CLNK: variants seen among roughly 807,000 people sequenced by gnomAD.
The protein encoded by CLNK is cytokine dependent hematopoietic cell linker, also known as cytokine-dependent hematopoietic cell linker.
Under a neutral mutation model 68.6 loss-of-function variants are expected in CLNK, and 74 were observed. The ratio of observed to expected loss-of-function variants is 1.08; its 90% CI spans 0.89 to 1.31. The LOEUF (loss-of-function observed/expected upper bound fraction) is 1.31, where lower values mean the gene tolerates loss of function less well. CLNK is among the 50% of genes most tolerant of loss of function. CLNK has a pLI of 0.00. For synonymous variants in CLNK, 198 were observed against 172.2 expected (o/e 1.15, Z -1.17); for missense variants, 553 against 515.3 (o/e 1.07, Z -0.71).
At chr4:10,589,498 G>A (rs532188233) in intron 3 of CLNK, among the ~76,000 whole-genome samples, 11 of 152,236 alleles carry the variant, frequency 7.2e-5, no homozygotes, top group East Asian at 3.9e-4. Flanking sequence ...CTCTCCGTGC[G>A]TCAATGCAAG....
At chr4:10,527,254 G>A (rs535569793) in intron 13 of CLNK, among the ~76,000 whole-genome samples, 63 of 152,324 alleles carry the variant, frequency 4.1e-4, no homozygotes, top group African/African-American at 1.5e-3. Flanking sequence ...TTTCAGTTAG[G>A]TTTTTGAATT....
In CLNK at chr4:10,489,541, C is replaced by G. The variant is rs1716478076; in HGVS notation, c.*926G>C. ...TCCCATGACCGTTTCACACCCTAGT[C>G]AGAGGATTTTCAGTTTCTGTCTTCA... On this transcript the variant is annotated 3_prime_UTR_variant, in exon 19 of 19. Transcript: ENST00000226951. 6.6e-6 allele frequency: 1 copy of G among 152,148 alleles called. No homozygotes were observed. Among genetic ancestry groups the G allele is most frequent in the South Asian group, 2.1e-4 (1 of 4,830 alleles). 9.4% of individuals were successfully genotyped at this position (152,148 alleles called of 1,614,324 possible).
At chr4:10,502,392 A>C (rs1717092470) in intron 17 of CLNK, among the ~76,000 whole-genome samples, 2 of 152,040 alleles carry the variant, frequency 1.3e-5, no homozygotes, top group South Asian at 4.1e-4. Context: ...GCATGGGGGA[A>C]ACTGCCCCCA....
chr4:10,563,189 T>C (rs1032310682), intron 7 of CLNK, among the ~76,000 whole-genome samples: 1 of 152,296 alleles, frequency 6.6e-6, no homozygotes, highest in South Asian at 2.1e-4. Context: ...ACAATGAATA[T>C]AAAATATGTG....
intron 4 of CLNK, among the ~76,000 whole-genome samples, chr4:10,577,056 T>C (rs768411275): frequency 6.6e-6 from 1 of 152,116 alleles, no homozygotes; most frequent in Non-Finnish European, 1.5e-5. Context: ...TCCCAGTGGG[T>C]CCCATGGTGA....
At chr4:10,494,616 CG>C (rs1716731537) in intron 18 of CLNK, among the ~76,000 whole-genome samples, 1 of 152,068 alleles carries the variant, frequency 6.6e-6, no homozygotes, top group Non-Finnish European at 1.5e-5. Context: ...TGCCATGGCG[CG>C]CAGCTAACTT....
intron 4 of CLNK, among the ~76,000 whole-genome samples, chr4:10,583,595 T>A (rs1720867548): frequency 1.3e-5 from 2 of 152,326 alleles, no homozygotes; most frequent in African/African-American, 4.8e-5. Flanking sequence ...TGGGCTGTTA[T>A]TTTGAACAGA....
intron 8 of CLNK, among the ~76,000 whole-genome samples, chr4:10,548,095 A>C (rs529282376): frequency 2.0e-5 from 3 of 152,314 alleles, no homozygotes; most frequent in East Asian, 3.9e-4. Flanking sequence ...ACCAATTTAC[A>C]TTCTCACCAA....
intron 2 of CLNK, among the ~76,000 whole-genome samples, chr4:10,651,558 C>G (rs1041487718): frequency 6.6e-6 from 1 of 152,058 alleles, no homozygotes; most frequent in Middle Eastern, 3.2e-3. Context: ...TTATGATTTC[C>G]TTTGCCAGTT....
chr4:10,708,800 G>T, the CLNK span, among the ~76,000 whole-genome samples: 1 of 152,194 alleles, frequency 6.6e-6, no homozygotes, highest in African/African-American at 2.4e-5. Context: ...ATGTTGAAAG[G>T]AATTGAAGAG....
chr4:10,689,261 A>G (rs1019004758), upstream of CLNK, among the ~76,000 whole-genome samples: 3 of 151,838 alleles, frequency 2.0e-5, no homozygotes, highest in African/African-American at 7.3e-5. Flanking sequence ...CAGCCTCCTG[A>G]GTAGTTGGGA....
At chr4:10,497,479 A>G (rs1716861121) in intron 18 of CLNK, among the ~76,000 whole-genome samples, 1 of 152,218 alleles carries the variant, frequency 6.6e-6, no homozygotes, top group African/African-American at 2.4e-5. Context: ...TAAAACAGAC[A>G]TTTGGTTCTC....
rs1279154729 is a variant in CLNK, at chr4:10,487,077, C to T, written c.*3390G>A. 2 of 152,178 alleles carry T rather than the reference C, an allele frequency of 1.3e-5. No homozygotes were observed. Among genetic ancestry groups the T allele is most frequent in the Non-Finnish European group, 2.9e-5 (2 of 68,034 alleles). 9.4% of individuals were successfully genotyped at this position (152,178 alleles called of 1,614,324 possible). ...AAAAAATATCTGGAAAGCATAAATG[C>T]TGTAATTGGATAAAGCTAAAATTCT... On this transcript the variant is annotated 3_prime_UTR_variant, in exon 19 of 19. Transcript: ENST00000226951.
At chr4:10,637,389 T>C (rs140511491) in intron 2 of CLNK, among the ~76,000 whole-genome samples, 150 of 151,750 alleles carry the variant, frequency 9.9e-4, no homozygotes, top group Non-Finnish European at 1.7e-3. Context: ...ACAAAAAGCT[T>C]TGTGAGAACA....
At chr4:10,541,193 G>A (rs1323863690) in intron 10 of CLNK, among the ~76,000 whole-genome samples, 3 of 141,914 alleles carry the variant, frequency 2.1e-5, no homozygotes, top group African/African-American at 2.6e-5. Context: ...CAGCCTGGGC[G>A]ACAGAGCCAG....
At chr4:10,583,102 C>CT (rs1720841326) in intron 4 of CLNK, among the ~76,000 whole-genome samples, 1 of 152,170 alleles carries the variant, frequency 6.6e-6, no homozygotes, top group African/African-American at 2.4e-5. Flanking sequence ...CTTGAAGGAT[C>CT]TGGGAATGTT....
the CLNK span, among the ~76,000 whole-genome samples, chr4:10,717,168 C>T: frequency 6.6e-6 from 1 of 152,162 alleles, no homozygotes; most frequent in East Asian, 1.9e-4. Flanking sequence ...AGCTTTCCTC[C>T]TTGCCAGGCA....
chr4:10,521,799 T>A (rs1185773560), intron 14 of CLNK, among the ~76,000 whole-genome samples: 2 of 152,136 alleles, frequency 1.3e-5, no homozygotes, highest in Non-Finnish European at 2.9e-5. Context: ...AGTGTACAAT[T>A]CTGTTAAATG....
chr4:10,615,192 G>C (rs1038294136), intron 2 of CLNK, among the ~76,000 whole-genome samples: 7 of 149,678 alleles, frequency 4.7e-5, no homozygotes, highest in African/African-American at 1.7e-4. Context: ...TAAAAAACAA[G>C]AAAGAGGCTG....
Sources: gnomAD v4.1 joint callset for allele counts (sites outside exome capture counted in the v4.1 genomes callset) on GRCh38, gnomAD v4.1.1 for gene constraint, MANE v1.5 for transcripts, NCBI Gene and HGNC (gene_info 2026-07-23, HGNC 2026-07-21) for gene names.